The following SERGEF variants were observed in gnomAD, a reference collection of about 807,000 sequenced individuals.
The protein encoded by SERGEF is secretion-regulating guanine nucleotide exchange factor.
A neutral mutation model predicts 50.0 loss-of-function variants in SERGEF; 51 were observed. The observed-to-expected ratio is 1.02, with a 90% CI of 0.81 to 1.29. SERGEF has a LOEUF of 1.29. Ranked by LOEUF, SERGEF falls within the 50% of genes most tolerant of loss-of-function variation. SERGEF has a pLI of 0.00. For synonymous variants in SERGEF, 205 were observed against 212.4 expected (o/e 0.97, Z 0.30); for missense variants, 521 against 557.0 (o/e 0.94, Z 0.65).
At chr11:17,856,721 T>C (rs746626569) in intron 10 of SERGEF, 14 of 152,202 alleles carry the variant, frequency 9.2e-5, no homozygotes, top group Admixed American at 7.9e-4. Context: ...TAATAATGTA[T>C]GTAAAATGTG....
chr11:17,890,533 G>C (rs540082), intron 9 of SERGEF, among the ~76,000 whole-genome samples: 95,623 of 151,792 alleles, frequency 0.63, 30,352 homozygotes, highest in Non-Finnish European at 0.66. Flanking sequence ...ACTGAGGGAG[G>C]CTGTGAGCAG....
chr11:17,828,188 T>G (rs773024351), intron 10 of SERGEF, among the ~76,000 whole-genome samples: 1 of 152,214 alleles, frequency 6.6e-6, no homozygotes, highest in East Asian at 1.9e-4. Context: ...AGTCGGGAAG[T>G]TGATGTAATC....
At chr11:17,791,817 G>C (rs1033180260) in intron 10 of SERGEF, among the ~76,000 whole-genome samples, 1 of 152,192 alleles carries the variant, frequency 6.6e-6, no homozygotes, top group Non-Finnish European at 1.5e-5. Context: ...GACTCAGAAT[G>C]GCGCCTGGCA....
intron 9 of SERGEF, among the ~76,000 whole-genome samples, chr11:17,882,719 C>T (rs1851357912): frequency 1.3e-5 from 2 of 152,090 alleles, no homozygotes; most frequent in Non-Finnish European, 1.5e-5. Flanking sequence ...TATATGATCC[C>T]AAAGCAAGTA....
At chr11:18,007,604 A>AAT (rs1465182276) in intron 2 of SERGEF, among the ~76,000 whole-genome samples, 1 of 152,206 alleles carries the variant, frequency 6.6e-6, no homozygotes, top group African/African-American at 2.4e-5. Flanking sequence ...TATCCAATCT[A>AAT]ATTACAAAGA....
In SERGEF at chr11:17,925,460, G is replaced by A. The variant is rs910390198; in HGVS notation, c.1011+34010C>T. Among the ~76,000 whole-genome samples, 47 of 152,174 alleles carry A rather than the reference G, an allele frequency of 3.1e-4. 1 individual carries two copies. Among genetic ancestry groups the A allele is most frequent in the Non-Finnish European group, 4.4e-5 (3 of 68,032 alleles). ...GAAGAAGAAAAGAAGGGTGAAAAAG[G>A]GGGAGGGAGTGTTCAAGACCATACA... On this transcript the variant is annotated intron_variant, in intron 9 of 10. Transcript: ENST00000265965.
chr11:17,813,280 T>C (rs1272412522), intron 10 of SERGEF, among the ~76,000 whole-genome samples: 1 of 152,154 alleles, frequency 6.6e-6, no homozygotes, highest in Non-Finnish European at 1.5e-5. Flanking sequence ...TGTGCAAAGA[T>C]GAGGTGGAGT....
chr11:17,956,711 C>T (rs2133968786), intron 9 of SERGEF, among the ~76,000 whole-genome samples: 1 of 152,192 alleles, frequency 6.6e-6, no homozygotes, highest in Admixed American at 6.5e-5. Flanking sequence ...TCCTGCTTAT[C>T]CCTTGGACAT....
intron 9 of SERGEF, among the ~76,000 whole-genome samples, chr11:17,919,923 G>A (rs1852121131): frequency 6.7e-6 from 1 of 149,444 alleles, no homozygotes; most frequent in African/African-American, 2.5e-5. Flanking sequence ...TCCAGCCTGG[G>A]CAACAAGAGC....
chr11:17,859,828 C>CAGTGAA (rs1227403329), intron 10 of SERGEF, among the ~76,000 whole-genome samples: 1 of 152,160 alleles, frequency 6.6e-6, no homozygotes, highest in Non-Finnish European at 1.5e-5. Flanking sequence ...TTTCTACAAA[C>CAGTGAA]AGTGAAAGTG....
intron 10 of SERGEF, 150 bp downstream of exon 10, chr11:17,878,058 C>T: frequency 1.6e-6 from 1 of 632,698 alleles, no homozygotes; most frequent in East Asian, 2.9e-5. Context: ...CTAGTAAACC[C>T]TTGGTCAACC....
chr11:17,910,170 TAC>T lies in SERGEF; in HGVS notation c.1012-31928_1012-31927del, dbSNP rs143977376. ...AACAGACTTGGAACCATTTGCCACCTACACACACACACACACACACACACTCT... is the reference window on the plus strand; with the variant it reads ...AACAGACTTGGAACCATTTGCCACCTACACACACACACACACACACACTCT... On this transcript the variant is annotated intron_variant, in intron 9 of 10. Coordinates refer to ENST00000265965, the MANE Select transcript of SERGEF (RefSeq NM_012139.4). 1.1e-3 allele frequency among the ~76,000 whole-genome samples: 157 copies of T among 147,728 alleles called. 2 individuals are homozygous for T. Among genetic ancestry groups the T allele is most frequent in the African/African-American group, 4.7e-4 (19 of 40,172 alleles).
intron 10 of SERGEF, among the ~76,000 whole-genome samples, chr11:17,837,659 CTTTT>C (rs1181213006): frequency 7.5e-6 from 1 of 133,570 alleles, no homozygotes. Flanking sequence ...AAACCTCTTT[CTTTT>C]TTTTTTTTTT....
intron 9 of SERGEF, among the ~76,000 whole-genome samples, chr11:17,907,247 T>C (rs982574280): frequency 4.6e-5 from 7 of 151,690 alleles, no homozygotes; most frequent in African/African-American, 1.7e-4. Context: ...GTCCCAGTTC[T>C]ACTACTAAAT....
At chr11:18,001,394 C>T (rs1853958779) in intron 4 of SERGEF, among the ~76,000 whole-genome samples, 1 of 152,202 alleles carries the variant, frequency 6.6e-6, no homozygotes, top group South Asian at 2.1e-4. Flanking sequence ...GGCACTAAGG[C>T]TTCCTGCTTA....
chr11:17,835,823 A>G (rs1850387119), intron 10 of SERGEF, among the ~76,000 whole-genome samples: 1 of 152,212 alleles, frequency 6.6e-6, no homozygotes, highest in Admixed American at 6.5e-5. Flanking sequence ...CTGTTTTTAG[A>G]CGGCATATCT....
At chr11:17,940,177 A>G (rs1474216446) in intron 9 of SERGEF, among the ~76,000 whole-genome samples, 1 of 152,174 alleles carries the variant, frequency 6.6e-6, no homozygotes, top group Non-Finnish European at 1.5e-5. Context: ...GGGAAGTTAG[A>G]ATAGCACGTT....
intron 10 of SERGEF, among the ~76,000 whole-genome samples, chr11:17,809,553 A>G (rs542191970): frequency 6.6e-6 from 1 of 152,262 alleles, no homozygotes; most frequent in South Asian, 2.1e-4. Context: ...TTTTCTAAAC[A>G]CTTAGACTGA....
chr11:17,798,074 T>C (rs531749185), intron 10 of SERGEF, among the ~76,000 whole-genome samples: 13 of 152,202 alleles, frequency 8.5e-5, no homozygotes, highest in African/African-American at 3.1e-4. Context: ...AGATACACGC[T>C]CCCCAGGCTG....
Sources: allele counts gnomAD v4.1 joint callset (sites outside exome capture counted in the v4.1 genomes callset), GRCh38; gene constraint gnomAD v4.1.1; transcripts MANE v1.5; gene names NCBI Gene and HGNC (gene_info 2026-07-23, HGNC 2026-07-21).